Variants in GPC6 observed in about 807,000 individuals in gnomAD.
GPC6 encodes the protein glypican-6.
In GPC6, 14 loss-of-function variants were observed where a neutral mutation model predicts 55.2. The ratio of observed to expected loss-of-function variants is 0.25; its 90% CI spans 0.17 to 0.40. The LOEUF (loss-of-function observed/expected upper bound fraction) is 0.40, where lower values mean the gene tolerates loss of function less well. GPC6 is among the 10% of genes least tolerant of loss of function. The probability of loss-of-function intolerance (pLI) is 1.00; values close to 1 mark genes in which losing one functional copy is unlikely to be tolerated. For missense variants in GPC6, 641 were observed against 708.5 expected, an observed-to-expected ratio of 0.90 and a Z score of 1.08; for synonymous variants, 278 against 259.6, an observed-to-expected ratio of 1.07 and a Z score of -0.68.
At chr13:94,371,720 T>C (rs893005265) in intron 6 of GPC6, among the ~76,000 whole-genome samples, 15 of 152,312 alleles carry the variant, frequency 9.8e-5, no homozygotes, top group African/African-American at 3.6e-4. Context: ...TTTAACTTTT[T>C]CAATACTGAA....
chr13:93,880,246 C>G (rs1174441352), intron 3 of GPC6, among the ~76,000 whole-genome samples: 1 of 151,458 alleles, frequency 6.6e-6, no homozygotes, highest in Non-Finnish European at 1.5e-5. Context: ...AATCATGCTG[C>G]TATAAAGACA....
the GPC6 span, among the ~76,000 whole-genome samples, chr13:93,216,570 G>A: frequency 3.3e-5 from 5 of 151,960 alleles, no homozygotes; most frequent in African/African-American, 1.2e-4. Context: ...GTCAACAGAG[G>A]GGTAGTGCAA....
chr13:93,945,063 A>AT (rs1474552542), intron 3 of GPC6, among the ~76,000 whole-genome samples: 1 of 151,938 alleles, frequency 6.6e-6, no homozygotes, highest in East Asian at 1.9e-4. Flanking sequence ...CAGTGGGTTG[A>AT]TTTTTTTTCC....
At chr13:93,929,764 T>C (rs1878058975) in intron 3 of GPC6, among the ~76,000 whole-genome samples, 1 of 150,498 alleles carries the variant, frequency 6.6e-6, no homozygotes, top group Admixed American at 6.6e-5. Flanking sequence ...ATTAAATTAA[T>C]TTAAATAATG....
intron 6 of GPC6, among the ~76,000 whole-genome samples, chr13:94,315,906 G>T (rs1267067191): frequency 1.3e-5 from 2 of 152,120 alleles, no homozygotes; most frequent in Non-Finnish European, 2.9e-5. Context: ...TTTGAATGCG[G>T]CCCAACACAA....
intron 4 of GPC6, among the ~76,000 whole-genome samples, chr13:94,119,936 A>G (rs1886567800): frequency 6.6e-6 from 1 of 152,140 alleles, no homozygotes; most frequent in Non-Finnish European, 1.5e-5. Context: ...ACCAACGCTC[A>G]TATAGTATTT....
intron 3 of GPC6, among the ~76,000 whole-genome samples, chr13:93,911,081 C>A (rs1876950633): frequency 6.6e-6 from 1 of 152,180 alleles, no homozygotes; most frequent in Non-Finnish European, 1.5e-5. Context: ...ACTCAAATAT[C>A]TTTTAAACTT....
intron 2 of GPC6, among the ~76,000 whole-genome samples, chr13:93,578,643 G>GTT (rs113534301): frequency 5.6e-5 from 8 of 142,038 alleles, no homozygotes; most frequent in South Asian, 2.2e-4. Flanking sequence ...CATTTGTTTT[G>GTT]TTTTTTTTTT....
intron 2 of GPC6, among the ~76,000 whole-genome samples, chr13:93,588,863 C>T (rs1171561086): frequency 6.6e-6 from 1 of 152,096 alleles, no homozygotes; most frequent in African/African-American, 2.4e-5. Flanking sequence ...ATATCACCTC[C>T]CATCATAGAT....
intron 3 of GPC6, among the ~76,000 whole-genome samples, chr13:93,836,733 A>C (rs1420229654): frequency 6.6e-6 from 1 of 152,164 alleles, no homozygotes; most frequent in Non-Finnish European, 1.5e-5. Context: ...TTGATAAATA[A>C]TTTCATAATA....
rs544101898 is a variant in GPC6 at position 93,927,508 on chromosome 13, T to A, written c.711+96963T>A. ...GGACACGTTCCTATAGTGGTTTGCT[T>A]CCTTATCCCTCTGTTTTGACTATTC... is the stretch of plus-strand genomic sequence containing the variant. On this transcript the variant is annotated intron_variant, in intron 3 of 8. Coordinates refer to ENST00000377047, the MANE Select transcript of GPC6 (RefSeq NM_005708.5). Among the ~76,000 whole-genome samples, 5 of 152,240 alleles carry A rather than the reference T, an allele frequency of 3.3e-5. No individual in the cohort carries two copies. In the East Asian group the frequency reaches 9.6e-4, roughly 29 times the overall value.
intron 4 of GPC6, among the ~76,000 whole-genome samples, chr13:94,277,296 AT>A (rs1439251493): frequency 1.3e-5 from 2 of 148,262 alleles, no homozygotes; most frequent in East Asian, 2.0e-4. Flanking sequence ...TTTCTTGTAC[AT>A]TTTTTTAAGT....
chr13:93,810,705 G>A (rs920977201), intron 2 of GPC6, among the ~76,000 whole-genome samples: 1 of 152,208 alleles, frequency 6.6e-6, no homozygotes, highest in East Asian at 1.9e-4. Context: ...CTAAAGCCAA[G>A]TGTGCAATAT....
chr13:93,893,321 A>T (rs956370009), intron 3 of GPC6, among the ~76,000 whole-genome samples: 1 of 152,080 alleles, frequency 6.6e-6, no homozygotes, highest in Non-Finnish European at 1.5e-5. Context: ...TCCCAAGGTG[A>T]TAGGATTTAT....
chr13:93,395,644 TG>T (rs981272379), intron 1 of GPC6: 1 of 156,732 alleles, frequency 6.4e-6, no homozygotes, highest in African/African-American at 2.4e-5. Context: ...CCACCTTCCA[TG>T]CCACCTTCTT....
At chr13:93,441,392 T>C (rs1877794437) in intron 1 of GPC6, among the ~76,000 whole-genome samples, 1 of 152,154 alleles carries the variant, frequency 6.6e-6, no homozygotes, top group African/African-American at 2.4e-5. Context: ...CCATTCTAAC[T>C]GGTGTGAGAT....
At chr13:93,333,860 A>G (rs1444604208) in intron 1 of GPC6, among the ~76,000 whole-genome samples, 3 of 152,088 alleles carry the variant, frequency 2.0e-5, no homozygotes, top group African/African-American at 7.2e-5. Context: ...TGATTTTTCT[A>G]TGTTGATTTT....
intron 2 of GPC6, among the ~76,000 whole-genome samples, chr13:93,673,954 A>C (rs1881475900): frequency 6.6e-6 from 1 of 152,118 alleles, no homozygotes; most frequent in South Asian, 2.1e-4. Flanking sequence ...CTTGCATTTC[A>C]GTTTTCCTCC....
At chr13:93,887,259 AG>A (rs1281624225) in intron 3 of GPC6, among the ~76,000 whole-genome samples, 3 of 152,250 alleles carry the variant, frequency 2.0e-5, no homozygotes, top group Admixed American at 6.5e-5. Flanking sequence ...CCAAAGTAAA[AG>A]GGAACAATAA....
Sources: gnomAD v4.1 joint callset for allele counts (sites outside exome capture counted in the v4.1 genomes callset) on GRCh38, gnomAD v4.1.1 for gene constraint, MANE v1.5 for transcripts, NCBI Gene and HGNC (gene_info 2026-07-23, HGNC 2026-07-21) for gene names.